Variants in FAM184A observed in about 807,000 individuals in gnomAD.
The protein encoded by FAM184A is family with sequence similarity 184 member A.
A neutral mutation model predicts 143.8 loss-of-function variants in FAM184A; 99 were observed. That is an observed-to-expected ratio of 0.69 (90% CI 0.58 to 0.81). FAM184A has a LOEUF of 0.81. Among genes scored for constraint, FAM184A ranks in the 40% least tolerant of loss-of-function variants. The probability of loss-of-function intolerance (pLI) is 0.00; values close to 1 mark genes in which losing one functional copy is unlikely to be tolerated. For missense variants in FAM184A, 1,217 were observed against 1,310.5 expected, an observed-to-expected ratio of 0.93 and a Z score of 1.10; for synonymous variants, 427 against 446.4, an observed-to-expected ratio of 0.96 and a Z score of 0.55.
chr6:119,147,904 C>T (rs573835248), intron 1 of FAM184A, among the ~76,000 whole-genome samples: 2 of 152,346 alleles, frequency 1.3e-5, no homozygotes, highest in South Asian at 4.1e-4. Flanking sequence ...CAAGACTTCC[C>T]TTTTTTTCCA....
chr6:119,103,928 GAAAAAAAAAAA>G (rs199961401), intron 1 of FAM184A, among the ~76,000 whole-genome samples: 13,878 of 72,982 alleles, frequency 0.19, 930 homozygotes, highest in East Asian at 0.35. Flanking sequence ...TCCGTGTAGA[GAAAAAAAAAAA>G]AAAAAAAAAA....
chr6:118,970,008 A>ATTTTTTT (rs11272298), intron 14 of FAM184A, among the ~76,000 whole-genome samples: 8 of 19,000 alleles, frequency 4.2e-4, no homozygotes, highest in African/African-American at 9.3e-4. Context: ...ATATATATAT[A>ATTTTTTT]TTTTTTTTTT....
chr6:119,062,145 A>C (rs577390783), intron 1 of FAM184A, among the ~76,000 whole-genome samples: 17 of 152,342 alleles, frequency 1.1e-4, no homozygotes, highest in African/African-American at 3.4e-4. Flanking sequence ...TCTTACTTAC[A>C]AATGTATAAC....
chr6:118,965,058 T>C (rs923256340), intron 15 of FAM184A, among the ~76,000 whole-genome samples: 2 of 152,208 alleles, frequency 1.3e-5, no homozygotes, highest in African/African-American at 4.8e-5. Flanking sequence ...GACTATGCAG[T>C]TTGGGCAGGT....
intron 1 of FAM184A, among the ~76,000 whole-genome samples, chr6:119,144,758 G>C (rs950576209): frequency 2.6e-5 from 4 of 152,170 alleles, no homozygotes; most frequent in Non-Finnish European, 5.9e-5. Flanking sequence ...CTAAGAAATG[G>C]GAGACAGTGC....
chr6:118,997,508 G>T (rs1192382823), intron 9 of FAM184A, among the ~76,000 whole-genome samples: 1 of 152,054 alleles, frequency 6.6e-6, no homozygotes, highest in East Asian at 1.9e-4. Context: ...TGGCCAACAT[G>T]GTGAAACCTC....
chr6:118,970,008 A>ATTTTTTTTTTTTTTTTT (rs11272298), intron 14 of FAM184A, among the ~76,000 whole-genome samples: 2 of 19,054 alleles, frequency 1.0e-4, no homozygotes, highest in African/African-American at 1.5e-4. Flanking sequence ...ATATATATAT[A>ATTTTTTTTTTTTTTTTT]TTTTTTTTTT....
chr6:119,034,588 C>A (rs1258397642), intron 1 of FAM184A, among the ~76,000 whole-genome samples: 2 of 128,690 alleles, frequency 1.6e-5, no homozygotes, highest in Non-Finnish European at 3.4e-5. Context: ...TTTAAAAAAA[C>A]CTTTGCTTTT....
At chr6:119,109,659 G>A (rs773346996) in intron 1 of FAM184A, among the ~76,000 whole-genome samples, 16 of 152,304 alleles carry the variant, frequency 1.1e-4, no homozygotes, top group South Asian at 2.1e-4. Context: ...AAAATCTGAC[G>A]AATTGAAGCT....
intron 17 of FAM184A, among the ~76,000 whole-genome samples, chr6:118,961,426 T>TA (rs1439189142): frequency 6.6e-6 from 1 of 151,358 alleles, no homozygotes; most frequent in Non-Finnish European, 1.5e-5. Flanking sequence ...AAAATTATTT[T>TA]AAAGTTCTAC....
intron 1 of FAM184A, chr6:119,069,059 G>A (rs1329161933): frequency 2.7e-6 from 1 of 369,002 alleles, no homozygotes; most frequent in South Asian, 2.1e-5. Context: ...GTATTAGGTT[G>A]GCACAAAAGC....
At chr6:119,114,096 T>TCAG (rs2114851887) in intron 1 of FAM184A, among the ~76,000 whole-genome samples, 1 of 152,330 alleles carries the variant, frequency 6.6e-6, no homozygotes, top group South Asian at 2.1e-4. Flanking sequence ...TATATAAGGT[T>TCAG]CAGCATGATC....
At chr6:119,019,936 C>T (rs779200497) in intron 4 of FAM184A, 42 bp downstream of exon 4, 9 of 1,449,734 alleles carry the variant, frequency 6.2e-6, no homozygotes, top group South Asian at 1.5e-5. Context: ...AAGAGAAAAA[C>T]GGAACTCTTT....
At chr6:119,051,170 T>C (rs1786750620) in intron 1 of FAM184A, among the ~76,000 whole-genome samples, 1 of 144,936 alleles carries the variant, frequency 6.9e-6, no homozygotes, top group Non-Finnish European at 1.5e-5. Context: ...GAAAATGTGG[T>C]ACATGTACAC....
intron 9 of FAM184A, among the ~76,000 whole-genome samples, chr6:118,994,131 T>C (rs1784467121): frequency 6.6e-6 from 1 of 152,126 alleles, no homozygotes; most frequent in African/African-American, 2.4e-5. Flanking sequence ...ACATGAATGT[T>C]TACCACAGTT....
chr6:118,964,547 T>C, intron 16 of FAM184A, 120 bp downstream of exon 16: 1 of 495,050 alleles, frequency 2.0e-6, no homozygotes, highest in Non-Finnish European at 3.6e-6. Context: ...TGCTAGATTA[T>C]TAAATAGAAG....
At chr6:119,062,202 TAAAAC>T (rs1022679932) in intron 1 of FAM184A, among the ~76,000 whole-genome samples, 4 of 152,212 alleles carry the variant, frequency 2.6e-5, no homozygotes, top group African/African-American at 9.7e-5. Context: ...AGTTTTTTGG[TAAAAC>T]AAAGAGAAAA....
At chr6:119,104,083 C>T (rs1788715386) in intron 1 of FAM184A, among the ~76,000 whole-genome samples, 1 of 151,962 alleles carries the variant, frequency 6.6e-6, no homozygotes, top group Admixed American at 6.6e-5. Context: ...ATTGCCCAGG[C>T]TGGAGTGCAG....
rs938542251 is a variant in FAM184A, at chr6:119,024,532, A to C, written c.441T>G (p.His147Gln). 3 of 1,613,902 alleles carry C rather than the reference A, an allele frequency of 1.9e-6. No individual in the cohort carries two copies. The African/African-American group carries it at 4.0e-5, about 22-fold the overall frequency. ...EDMQLCAEAQ[H>Q]VQRIVTMSRE... ...TAGACATGGTCACTATGCGTTGGAC[A>C]TGCTGGGCTTCTGCACAAAGTTGCA... The change falls in exon 2 of 18, where the codon CAT (histidine) becomes CAG (glutamine). Residue 147 changes from histidine to glutamine, a missense_variant. Physicochemically the swap from His to Gln is conservative, Grantham distance 24. Transcript: ENST00000338891.
Sources: allele counts gnomAD v4.1 joint callset (sites outside exome capture counted in the v4.1 genomes callset), GRCh38; gene constraint gnomAD v4.1.1; transcripts MANE v1.5; gene names NCBI Gene and HGNC (gene_info 2026-07-23, HGNC 2026-07-21).